RCAN1: variants seen among roughly 807,000 people sequenced by gnomAD.
RCAN1 encodes the protein calcipressin-1.
In RCAN1, 11 loss-of-function variants were observed where a neutral mutation model predicts 22.9. The observed-to-expected ratio is 0.48, with a 90% CI of 0.30 to 0.79. RCAN1 has a LOEUF of 0.79. Among genes scored for constraint, RCAN1 ranks in the 30% least tolerant of loss-of-function variants. The probability of loss-of-function intolerance (pLI) is 0.06; values close to 1 mark genes in which losing one functional copy is unlikely to be tolerated. For synonymous variants in RCAN1, 136 were observed against 142.3 expected (o/e 0.96, Z 0.32); for missense variants, 291 against 337.8 (o/e 0.86, Z 1.09).
intron 1 of RCAN1, among the ~76,000 whole-genome samples, chr21:34,585,931 A>G (rs1987778613): frequency 6.6e-6 from 1 of 152,152 alleles, no homozygotes; most frequent in Non-Finnish European, 1.5e-5. Flanking sequence ...GACAAGAAGC[A>G]TTACTAGCAA....
At chr21:34,563,914 C>T (rs1261730286) in intron 1 of RCAN1, among the ~76,000 whole-genome samples, 1 of 149,980 alleles carries the variant, frequency 6.7e-6, no homozygotes, top group Non-Finnish European at 1.5e-5. Flanking sequence ...TGCAGTGAGC[C>T]GAGATAGTGC....
Position 34,530,429 on chromosome 21 carries a change from T to C in RCAN1, c.253-6719A>G, listed in dbSNP as rs140034672. On this transcript the variant is annotated intron_variant, in intron 1 of 3. Transcript: ENST00000313806. ...CACATCCATTATGAACTCTAAGGAGTTGACAACTGCACCAAGAATGTGCCC... is the reference window on the plus strand; with the variant it reads ...CACATCCATTATGAACTCTAAGGAGCTGACAACTGCACCAAGAATGTGCCC... Among the ~76,000 whole-genome samples, 8 of 152,022 alleles carry C rather than the reference T, an allele frequency of 5.3e-5. No homozygotes were observed. In the East Asian group the frequency reaches 1.2e-3, roughly 22 times the overall value.
At chr21:34,532,786 A>G (rs1004504588) in intron 1 of RCAN1, among the ~76,000 whole-genome samples, 37 of 152,234 alleles carry the variant, frequency 2.4e-4, no homozygotes, top group Non-Finnish European at 4.0e-4. Context: ...CTAGAAAAGA[A>G]TAGATAAATG....
chr21:34,563,764 A>T (rs1424090059), intron 1 of RCAN1, among the ~76,000 whole-genome samples: 30 of 92,700 alleles, frequency 3.2e-4, no homozygotes, highest in African/African-American at 1.5e-3. Flanking sequence ...CAAAAAAAAA[A>T]AAAAAAATAT....
chr21:34,589,252 CAAG>C (rs55686253), intron 1 of RCAN1, among the ~76,000 whole-genome samples: 5,928 of 152,190 alleles, frequency 0.039, 173 homozygotes, highest in East Asian at 0.14. Context: ...TACAAAGGAT[CAAG>C]AAGAACATAT....
chr21:34,557,171 C>T (rs1986612024), intron 1 of RCAN1, among the ~76,000 whole-genome samples: 2 of 152,166 alleles, frequency 1.3e-5, no homozygotes, highest in Admixed American at 6.5e-5. Context: ...CGAGATCACG[C>T]CACTGCACTC....
intron 1 of RCAN1, among the ~76,000 whole-genome samples, chr21:34,528,360 T>A (rs574752231): frequency 3.3e-5 from 5 of 152,362 alleles, no homozygotes; most frequent in Non-Finnish European, 7.3e-5. Flanking sequence ...TAGAGTTATG[T>A]AAGAAACCAG....
chr21:34,595,384 T>C (rs1988112296), intron 1 of RCAN1, among the ~76,000 whole-genome samples: 1 of 152,172 alleles, frequency 6.6e-6, no homozygotes, highest in Non-Finnish European at 1.5e-5. Context: ...AGCTTTTCCT[T>C]GACCATGAAA....
At chr21:34,539,176 A>G (rs1985807723) in intron 1 of RCAN1, among the ~76,000 whole-genome samples, 1 of 152,236 alleles carries the variant, frequency 6.6e-6, no homozygotes, top group Admixed American at 6.5e-5. Flanking sequence ...TTTATTCTAA[A>G]GAAATCCTCA....
At chr21:34,525,858 G>A (rs894215935) in intron 1 of RCAN1, among the ~76,000 whole-genome samples, 18 of 152,156 alleles carry the variant, frequency 1.2e-4, no homozygotes, top group African/African-American at 3.6e-4. Flanking sequence ...ACTATGGTGC[G>A]AGCCCATAAG....
In RCAN1 at chr21:34,614,573, G is replaced by T; in HGVS notation, c.252+187C>A. On this transcript the variant is annotated intron_variant, in intron 1 of 3. Transcript: ENST00000313806. The surrounding 1 kb of genome is among the most constrained non-coding windows in gnomAD (Gnocchi z 6.0). Reference sequence around the variant, plus strand: ...CTCCGCGCGCCCCGGGGGTGCTAGGGGACCGGGACCCTCGGGGCGCCGTCC... The same window carrying T: ...CTCCGCGCGCCCCGGGGGTGCTAGGTGACCGGGACCCTCGGGGCGCCGTCC... 1.0e-6 allele frequency: 1 copy of T among 987,602 alleles called. No homozygotes were observed. The highest frequency in any genetic ancestry group is 5.2e-5 in the Admixed American group (1 of 19,374). The allele number at this position is 987,602 out of a possible 1,614,324, so 61.2% of individuals were successfully genotyped here.
chr21:34,544,099 G>C (rs935180629), intron 1 of RCAN1, among the ~76,000 whole-genome samples: 1 of 152,256 alleles, frequency 6.6e-6, no homozygotes, highest in African/African-American at 2.4e-5. Context: ...AGCAGTAGCT[G>C]CCTTACTTGG....
intron 1 of RCAN1, among the ~76,000 whole-genome samples, chr21:34,586,424 T>C (rs749451600): frequency 3.9e-5 from 6 of 151,926 alleles, no homozygotes; most frequent in African/African-American, 9.7e-5. Flanking sequence ...AACAAAGTGA[T>C]ACATTTCTAA....
intron 1 of RCAN1, among the ~76,000 whole-genome samples, chr21:34,530,378 T>C (rs1658279645): frequency 6.6e-6 from 1 of 152,160 alleles, no homozygotes; most frequent in Admixed American, 6.5e-5. Context: ...TACAGCATTC[T>C]GAAAGCATCA....
chr21:34,531,070 G>T (rs1985368098), intron 1 of RCAN1, among the ~76,000 whole-genome samples: 1 of 152,174 alleles, frequency 6.6e-6, no homozygotes, highest in South Asian at 2.1e-4. Context: ...CTAAGGAGAA[G>T]GTTCTTATTC....
In RCAN1 at chr21:34,614,873, C is replaced by T; in HGVS notation, c.139G>A (p.Gly47Ser). The T allele has an allele frequency of 1.4e-6, 2 of 1,458,908 alleles. No individual in the cohort carries two copies. Among genetic ancestry groups the T allele is most frequent in the Non-Finnish European group, 1.8e-6 (2 of 1,101,702 alleles). 90.4% of individuals were successfully genotyped at this position (1,458,908 alleles called of 1,614,324 possible). ...TCGCAGTCAATGAAGCTCCAGTCGC[C>T]GCCGCCCTCGTCCGCCTCGGCCGCC... ...SGAAEADEGGGDWSFIDCEME... is the reference protein window; with the variant it reads ...SGAAEADEGGSDWSFIDCEME... The change falls in exon 1 of 4, where the codon GGC becomes AGC. Residue 47 changes from glycine to serine, a missense_variant. Coordinates refer to ENST00000313806, the MANE Select transcript of RCAN1 (RefSeq NM_004414.7). The surrounding 1 kb of genome is among the most constrained non-coding windows in gnomAD (Gnocchi z 6.0).
chr21:34,590,589 T>C (rs978858161), intron 1 of RCAN1, among the ~76,000 whole-genome samples: 1 of 152,230 alleles, frequency 6.6e-6, no homozygotes, highest in Admixed American at 6.5e-5. Context: ...TATTTTTTCA[T>C]CCTCCTCCCA....
At chr21:34,523,319 A>G (rs1263135365) in intron 2 of RCAN1, among the ~76,000 whole-genome samples, 2 of 152,222 alleles carry the variant, frequency 1.3e-5, no homozygotes, top group Non-Finnish European at 2.9e-5. Context: ...TTATCAACCC[A>G]GGAAGGTCAG....
intron 1 of RCAN1, among the ~76,000 whole-genome samples, chr21:34,581,683 C>G (rs910861448): frequency 4.6e-5 from 7 of 152,172 alleles, no homozygotes; most frequent in African/African-American, 1.7e-4. Context: ...CCATTGCCTA[C>G]AGGCCCTAAA....
Sources: gnomAD v4.1 joint callset for allele counts (sites outside exome capture counted in the v4.1 genomes callset) on GRCh38, gnomAD v4.1.1 for gene constraint, Gnocchi (gnomAD v3.1) non-coding constraint, MANE v1.5 for transcripts, NCBI Gene and HGNC (gene_info 2026-07-23, HGNC 2026-07-21) for gene names.